Variants in GLRA3 observed in about 807,000 individuals in gnomAD.
GLRA3 encodes glycine receptor alpha 3.
A neutral mutation model predicts 60.4 loss-of-function variants in GLRA3; 44 were observed. The ratio of observed to expected loss-of-function variants is 0.73; its 90% CI spans 0.57 to 0.94. The LOEUF (loss-of-function observed/expected upper bound fraction) is 0.94. GLRA3 is among the 40% of genes least tolerant of loss of function. The pLI, the probability that GLRA3 is intolerant of heterozygous loss-of-function variation, is 0.00. For synonymous variants in GLRA3, 223 were observed against 192.9 expected (o/e 1.16, Z -1.29); for missense variants, 508 against 564.6 (o/e 0.90, Z 1.02).
At chr4:174,697,115 C>A (rs904256524) in intron 5 of GLRA3, among the ~76,000 whole-genome samples, 1 of 152,026 alleles carries the variant, frequency 6.6e-6, no homozygotes, top group Non-Finnish European at 1.5e-5. Context: ...CTTTACACAA[C>A]GGGTAAATAT....
chr4:174,751,050 CCTGT>C (rs3059134), intron 3 of GLRA3, among the ~76,000 whole-genome samples: 31,139 of 147,314 alleles, frequency 0.21, 3,459 homozygotes, highest in East Asian at 0.3. Flanking sequence ...AAAAGAGAAG[CCTGT>C]CTGTCTGTCT....
At chr4:174,759,458 G>A (rs1185166425) in intron 3 of GLRA3, among the ~76,000 whole-genome samples, 1 of 152,048 alleles carries the variant, frequency 6.6e-6, no homozygotes, top group Non-Finnish European at 1.5e-5. Context: ...AATAAAGAGA[G>A]TGATGCATCG....
At chr4:174,705,841 T>C (rs1481197726) in intron 5 of GLRA3, among the ~76,000 whole-genome samples, 2 of 49,504 alleles carry the variant, frequency 4.0e-5, no homozygotes, top group African/African-American at 6.7e-5. Flanking sequence ...TGTAGTGGGG[T>C]GGGGGTGGGG....
intron 1 of GLRA3, among the ~76,000 whole-genome samples, chr4:174,816,916 T>C (rs1258335614): frequency 6.6e-6 from 1 of 152,212 alleles, no homozygotes; most frequent in Admixed American, 6.5e-5. Flanking sequence ...ATGTGATATG[T>C]AATAATATCA....
intron 3 of GLRA3, among the ~76,000 whole-genome samples, chr4:174,743,668 A>G (rs1737114803): frequency 6.6e-6 from 1 of 152,176 alleles, no homozygotes. Flanking sequence ...GATTCATGGT[A>G]AAGATATAGT....
chr4:174,741,139 G>C (rs1260369723), intron 3 of GLRA3, among the ~76,000 whole-genome samples: 3 of 151,974 alleles, frequency 2.0e-5, no homozygotes, highest in African/African-American at 7.2e-5. Flanking sequence ...TTTACATTTA[G>C]AAAAAAAGTG....
chr4:174,693,357 G>A (rs1399390642), intron 5 of GLRA3, among the ~76,000 whole-genome samples: 24 of 152,154 alleles, frequency 1.6e-4, no homozygotes, highest in Non-Finnish European at 2.9e-5. Flanking sequence ...AAGGGGTCCA[G>A]CTTCAATCTT....
intron 5 of GLRA3, among the ~76,000 whole-genome samples, chr4:174,706,146 C>T (rs182260264): frequency 1.3e-5 from 2 of 151,696 alleles, no homozygotes; most frequent in Admixed American, 6.6e-5. Flanking sequence ...AGGAGAATGG[C>T]GTGAACCCGG....
chr4:174,700,554 C>T (rs1429579510), intron 5 of GLRA3, among the ~76,000 whole-genome samples: 2 of 152,142 alleles, frequency 1.3e-5, no homozygotes, highest in Non-Finnish European at 2.9e-5. Flanking sequence ...AGCAACACAT[C>T]TCTCACTTTA....
At chr4:174,764,883 T>C (rs1738080407) in intron 3 of GLRA3, among the ~76,000 whole-genome samples, 1 of 152,044 alleles carries the variant, frequency 6.6e-6, no homozygotes. Flanking sequence ...TTGAATCTGA[T>C]CATTTTAATG....
chr4:174,814,473 C>A (rs78115493), intron 1 of GLRA3, among the ~76,000 whole-genome samples: 1,903 of 152,236 alleles, frequency 0.013, 44 homozygotes, highest in African/African-American at 0.043. Context: ...TTTTCTGCCA[C>A]TCTGCCACTC....
intron 3 of GLRA3, among the ~76,000 whole-genome samples, chr4:174,758,699 T>C (rs981477440): frequency 2.0e-5 from 3 of 152,150 alleles, no homozygotes; most frequent in African/African-American, 7.2e-5. Flanking sequence ...TAATGTAACA[T>C]GGTAATAATA....
At chr4:174,778,976 A>T (rs1383776777) in intron 2 of GLRA3, among the ~76,000 whole-genome samples, 4 of 152,228 alleles carry the variant, frequency 2.6e-5, no homozygotes, top group Non-Finnish European at 4.4e-5. Context: ...ACCACAGCTC[A>T]AGGAGGCCTG....
chr4:174,792,230 A>C (rs560492911), intron 1 of GLRA3, among the ~76,000 whole-genome samples: 1 of 152,164 alleles, frequency 6.6e-6, no homozygotes, highest in Non-Finnish European at 1.5e-5. Context: ...GGCTAATGCA[A>C]CAGAAATTAA....
At chr4:174,777,203 T>C (rs1738635566) in intron 2 of GLRA3, among the ~76,000 whole-genome samples, 1 of 152,184 alleles carries the variant, frequency 6.6e-6, no homozygotes, top group Non-Finnish European at 1.5e-5. Flanking sequence ...GAAATCAAAA[T>C]GAGATTTGAC....
chr4:174,715,445 T>C (rs761602619), intron 5 of GLRA3, 43 bp downstream of exon 5: 3 of 908,916 alleles, frequency 3.3e-6, no homozygotes, highest in Non-Finnish European at 5.4e-6. Flanking sequence ...TTGTATCTAC[T>C]ATAATGTAAA....
At chr4:174,672,974 C>A (rs1440555423) in intron 7 of GLRA3, among the ~76,000 whole-genome samples, 1 of 151,818 alleles carries the variant, frequency 6.6e-6, no homozygotes, top group Non-Finnish European at 1.5e-5. Flanking sequence ...GTTCAAAAGT[C>A]TCTGATATGA....
chr4:174,755,003 T>G (rs1245767642), intron 3 of GLRA3, among the ~76,000 whole-genome samples: 1 of 152,128 alleles, frequency 6.6e-6, no homozygotes, highest in African/African-American at 2.4e-5. Context: ...CCAAGTTCAT[T>G]AAGGCTATAT....
chr4:174,707,773 A>C (rs1293948864), intron 5 of GLRA3, among the ~76,000 whole-genome samples: 2 of 152,178 alleles, frequency 1.3e-5, no homozygotes, highest in Non-Finnish European at 2.9e-5. Flanking sequence ...TGAGCTATTA[A>C]ATCATATCGT....
Sources: gnomAD v4.1 joint callset for allele counts (sites outside exome capture counted in the v4.1 genomes callset) on GRCh38, gnomAD v4.1.1 for gene constraint, MANE v1.5 for transcripts, NCBI Gene and HGNC (gene_info 2026-07-23, HGNC 2026-07-21) for gene names.